Variants in PEX14 observed in about 807,000 individuals in gnomAD.
PEX14 encodes peroxisomal membrane protein PEX14.
A neutral mutation model predicts 49.5 loss-of-function variants in PEX14; 15 were observed. The observed-to-expected ratio is 0.30, with a 90% confidence interval of 0.20 to 0.47. PEX14 has a LOEUF of 0.47. PEX14 is among the 20% of genes least tolerant of loss of function. The pLI is 1.00. For synonymous variants in PEX14, 210 were observed against 212.7 expected, an observed-to-expected ratio of 0.99 and a Z score of 0.11; for missense variants, 398 against 494.8, an observed-to-expected ratio of 0.80 and a Z score of 1.86.
intron 2 of PEX14, among the ~76,000 whole-genome samples, chr1:10,534,074 T>C (rs1341556516): frequency 2.0e-5 from 3 of 152,228 alleles, no homozygotes; most frequent in African/African-American, 4.8e-5. Flanking sequence ...TCTGTTTCTA[T>C]GGGTAAATGA....
In PEX14 at chr1:10,491,244, T is replaced by TA. The variant is rs200303853; in HGVS notation, c.37-4022dup. Among the ~76,000 whole-genome samples the TA allele has an allele frequency of 2.6e-3, 392 of 151,456 alleles. 1 individual carries two copies. The highest frequency in any genetic ancestry group is 8.9e-3 in the African/African-American group (367 of 41,360). On this transcript the variant is annotated intron_variant, in intron 1 of 8. Coordinates refer to ENST00000356607, the MANE Select transcript of PEX14 (RefSeq NM_004565.3). Reference sequence around the variant, plus strand: ...ACAGGGTAGGCCATGATTAAAAAAATAAAAAAAAGGCCAGGTGTGGTGGCT... The same window carrying TA: ...ACAGGGTAGGCCATGATTAAAAAAATAAAAAAAAAGGCCAGGTGTGGTGGCT...
intron 4 of PEX14, among the ~76,000 whole-genome samples, chr1:10,600,090 G>A (rs1640939798): frequency 6.6e-6 from 1 of 152,218 alleles, no homozygotes; most frequent in Non-Finnish European, 1.5e-5. Context: ...TGACTACAAA[G>A]TTATGGAAAA....
Position 10,479,096 on chromosome 1 carries a change from G to A in PEX14, c.36+4094G>A, listed in dbSNP as rs528872683. 3.9e-5 allele frequency among the ~76,000 whole-genome samples: 6 copies of A among 152,068 alleles called. No individual in the cohort carries two copies. In the South Asian group the frequency reaches 1.2e-3, roughly 32 times the overall value. ...CAATTTTTGTAGTGGTGAGTTCCTGGCTGGGCGTGATGGCTCATACCTGTA... is the reference window on the plus strand; with the variant it reads ...CAATTTTTGTAGTGGTGAGTTCCTGACTGGGCGTGATGGCTCATACCTGTA... On this transcript the variant is annotated intron_variant, in intron 1 of 8. Coordinates refer to ENST00000356607, the MANE Select transcript of PEX14 (RefSeq NM_004565.3).
intron 4 of PEX14, among the ~76,000 whole-genome samples, chr1:10,617,621 GTC>G (rs1308776321): frequency 6.6e-6 from 1 of 151,980 alleles, no homozygotes; most frequent in Non-Finnish European, 1.5e-5. Flanking sequence ...CCCACCTACC[GTC>G]TCTCTTTTGT....
intron 3 of PEX14, among the ~76,000 whole-genome samples, chr1:10,559,127 G>A (rs922494328): frequency 2.0e-5 from 3 of 151,932 alleles, no homozygotes; most frequent in South Asian, 2.1e-4. Flanking sequence ...TTCCAATGTC[G>A]TATGACTTTA....
chr1:10,585,900 C>G (rs1553193588), intron 3 of PEX14, among the ~76,000 whole-genome samples: 1 of 151,876 alleles, frequency 6.6e-6, no homozygotes, highest in Non-Finnish European at 1.5e-5. Flanking sequence ...CGTCTCAAAA[C>G]AAATAAAAAA....
At chr1:10,609,809 C>G (rs1004165673) in intron 4 of PEX14, among the ~76,000 whole-genome samples, 1 of 151,992 alleles carries the variant, frequency 6.6e-6, no homozygotes, top group Non-Finnish European at 1.5e-5. Context: ...CCCATGAACC[C>G]GGGAGGCGGA....
chr1:10,621,449 C>T (rs868528847), intron 5 of PEX14, among the ~76,000 whole-genome samples: 9 of 150,546 alleles, frequency 6.0e-5, no homozygotes, highest in Middle Eastern at 3.5e-3. Context: ...CGGGTTCAAG[C>T]GATTCTCCAG....
chr1:10,583,311 C>G (rs1640381469), intron 3 of PEX14, among the ~76,000 whole-genome samples: 1 of 151,206 alleles, frequency 6.6e-6, no homozygotes, highest in African/African-American at 2.4e-5. Flanking sequence ...CCTTGACCTC[C>G]TGGGCTCAAG....
Position 10,599,338 on chromosome 1 carries a change from G to T in PEX14, c.270G>T (p.Gln90His). ...CAGCCACACAGGTGGTTCCTGTCCA[G>T]CCCCCTCACCTCATATCTCAGCCAT... The part of the protein sequence containing the change: ...LGPATQVVPV[Q>H]PPHLISQPYS... The change falls in exon 4 of 9, where the codon CAG becomes CAT. Residue 90 changes from glutamine to histidine, a missense_variant. Gln to His is a conservative substitution (Grantham distance 24). This residue lies in a region of PEX14 where 202 missense variants were observed against 298.5 expected (regional missense o/e 0.68). Transcript: ENST00000356607. 1.2e-6 allele frequency: 2 copies of T among 1,614,108 alleles called. No homozygotes were observed. Among genetic ancestry groups the T allele is most frequent in the Non-Finnish European group, 1.7e-6 (2 of 1,179,974 alleles).
At chr1:10,591,426 T>C (rs1308128901) in intron 3 of PEX14, among the ~76,000 whole-genome samples, 1 of 152,212 alleles carries the variant, frequency 6.6e-6, no homozygotes, top group East Asian at 1.9e-4. Flanking sequence ...TGTGATCTTG[T>C]TAAGGATCAA....
intron 1 of PEX14, among the ~76,000 whole-genome samples, chr1:10,484,138 C>G (rs2124377279): frequency 6.6e-6 from 1 of 150,652 alleles, no homozygotes; most frequent in East Asian, 1.9e-4. Flanking sequence ...AAGAGATTCC[C>G]CTGCCCCAGC....
intron 3 of PEX14, among the ~76,000 whole-genome samples, chr1:10,587,920 T>TTTAA (rs1453146872): frequency 1.1e-4 from 7 of 64,070 alleles, no homozygotes; most frequent in African/African-American, 4.7e-4. Flanking sequence ...TTTTTTTTTT[T>TTTAA]AAAAAAAAAA....
chr1:10,522,950 G>A (rs925283440), intron 2 of PEX14, among the ~76,000 whole-genome samples: 1 of 152,186 alleles, frequency 6.6e-6, no homozygotes, highest in Admixed American at 6.5e-5. Flanking sequence ...AGATGAACGT[G>A]TTTATATGGT....
intron 2 of PEX14, among the ~76,000 whole-genome samples, chr1:10,501,919 C>A (rs550405430): frequency 3.3e-5 from 5 of 151,816 alleles, no homozygotes; most frequent in African/African-American, 1.2e-4. Context: ...TCAAAACCCA[C>A]CCCCCTGCCC....
At chr1:10,531,935 T>C (rs116776572) in intron 2 of PEX14, among the ~76,000 whole-genome samples, 2,002 of 152,070 alleles carry the variant, frequency 0.013, 51 homozygotes, top group African/African-American at 0.046. Context: ...TGTAGGAGAG[T>C]GGAAAACACA....
intron 2 of PEX14, among the ~76,000 whole-genome samples, chr1:10,503,393 G>A (rs935508196): frequency 5.3e-5 from 8 of 150,732 alleles, no homozygotes; most frequent in South Asian, 4.2e-4. Flanking sequence ...AACAGTCAGC[G>A]GTTTTCAAAC....
chr1:10,554,114 C>A (rs1234147296), intron 3 of PEX14, among the ~76,000 whole-genome samples: 11 of 141,364 alleles, frequency 7.8e-5, no homozygotes, highest in African/African-American at 2.6e-4. Flanking sequence ...ATGGTGAAAC[C>A]CCGTCTCTAC....
intron 3 of PEX14, among the ~76,000 whole-genome samples, chr1:10,537,120 T>C (rs1638828883): frequency 6.6e-6 from 1 of 152,148 alleles, no homozygotes; most frequent in South Asian, 2.1e-4. Flanking sequence ...GTGGGTGATA[T>C]TTCCTAGGTC....
Sources: gnomAD v4.1 joint callset for allele counts (sites outside exome capture counted in the v4.1 genomes callset) on GRCh38, gnomAD v4.1.1 for gene constraint, gnomAD v4.1.1 regional missense constraint, MANE v1.5 for transcripts, NCBI Gene and HGNC (gene_info 2026-07-23, HGNC 2026-07-21) for gene names.